OLFM3: variants seen among roughly 807,000 people sequenced by gnomAD.
OLFM3 encodes noelin-3.
In OLFM3, 20 loss-of-function variants were observed where a neutral mutation model predicts 48.6. That is an observed-to-expected ratio of 0.41 (90% CI 0.29 to 0.60). The LOEUF is 0.60. Among genes scored for constraint, OLFM3 ranks in the 20% least tolerant of loss-of-function variants. The probability of loss-of-function intolerance (pLI) is 0.28; values close to 1 mark genes in which losing one functional copy is unlikely to be tolerated. For missense variants in OLFM3, 437 were observed against 544.3 expected (o/e 0.80, Z 1.96); for synonymous variants, 222 against 198.1 (o/e 1.12, Z -1.01).
At chr1:101,836,811 A>T in intron 2 of OLFM3, 68 bp downstream of exon 2, 2 of 1,472,834 alleles carry the variant, frequency 1.4e-6, no homozygotes, top group East Asian at 2.3e-5. Flanking sequence ...TATCGGCTCT[A>T]CCATATTTCC....
At chr1:101,835,960 A>G in intron 2 of OLFM3, among the ~76,000 whole-genome samples, 1 of 152,334 alleles carries the variant, frequency 6.6e-6, no homozygotes, top group East Asian at 1.9e-4. Flanking sequence ...TGTCTCTATT[A>G]AAAAACTTGA....
At chr1:101,904,617 A>G (rs1308794040) in intron 1 of OLFM3, among the ~76,000 whole-genome samples, 1 of 152,080 alleles carries the variant, frequency 6.6e-6, no homozygotes, top group Non-Finnish European at 1.5e-5. Flanking sequence ...GCAATACACA[A>G]AGCTGTGAAC....
intron 1 of OLFM3, among the ~76,000 whole-genome samples, chr1:101,936,685 T>C (rs1659628141): frequency 6.6e-6 from 1 of 152,168 alleles, no homozygotes; most frequent in African/African-American, 2.4e-5. Flanking sequence ...TCTGGAGGCA[T>C]CACGTTACCC....
chr1:101,913,559 T>A (rs1337544207), intron 1 of OLFM3, among the ~76,000 whole-genome samples: 1 of 152,106 alleles, frequency 6.6e-6, no homozygotes, highest in Admixed American at 6.6e-5. Context: ...AGAACTGACA[T>A]CATTTTTATT....
intron 1 of OLFM3, among the ~76,000 whole-genome samples, chr1:101,974,563 T>G (rs1660895925): frequency 6.6e-6 from 1 of 152,138 alleles, no homozygotes; most frequent in Admixed American, 6.6e-5. Context: ...ATAAACTTCC[T>G]CTTATCCAGG....
chr1:101,933,470 G>T (rs1436227164), intron 1 of OLFM3, among the ~76,000 whole-genome samples: 1 of 151,774 alleles, frequency 6.6e-6, no homozygotes, highest in Non-Finnish European at 1.5e-5. Flanking sequence ...ACTATGTAAC[G>T]AGACCAAATC....
chr1:101,819,772 G>C (rs1654521517), intron 4 of OLFM3, among the ~76,000 whole-genome samples: 1 of 152,048 alleles, frequency 6.6e-6, no homozygotes, highest in Admixed American at 6.6e-5. Flanking sequence ...CTCAGTCTTT[G>C]AACTCAGAAG....
intron 1 of OLFM3, among the ~76,000 whole-genome samples, chr1:101,878,430 C>A (rs1429295038): frequency 2.6e-5 from 4 of 151,828 alleles, no homozygotes; most frequent in Non-Finnish European, 4.4e-5. Flanking sequence ...TGTTGGGTCA[C>A]CCATTAAACT....
chr1:101,872,235 G>T (rs905773429), intron 1 of OLFM3, among the ~76,000 whole-genome samples: 6 of 152,026 alleles, frequency 3.9e-5, no homozygotes, highest in Non-Finnish European at 8.8e-5. Context: ...AGTTAGCAAA[G>T]GTGTTTATCA....
intron 1 of OLFM3, among the ~76,000 whole-genome samples, chr1:101,983,252 C>T (rs1661149252): frequency 2.0e-5 from 3 of 152,198 alleles, no homozygotes; most frequent in South Asian, 4.1e-4. Context: ...TCTTTGACTT[C>T]ATACATGCTG....
At chr1:101,814,174 C>T (rs377649037) in intron 4 of OLFM3, among the ~76,000 whole-genome samples, 31 of 151,762 alleles carry the variant, frequency 2.0e-4, no homozygotes, top group East Asian at 7.8e-4. Flanking sequence ...TCAGTCTTAC[C>T]GTAGAAAGCA....
At chr1:101,869,154 C>A (rs976490631) in intron 1 of OLFM3, among the ~76,000 whole-genome samples, 3 of 152,154 alleles carry the variant, frequency 2.0e-5, no homozygotes, top group African/African-American at 7.2e-5. Flanking sequence ...CCTCCAGACC[C>A]CAGAATGGTA....
chr1:101,896,683 T>G (rs2101013032), intron 1 of OLFM3, among the ~76,000 whole-genome samples: 1 of 147,500 alleles, frequency 6.8e-6, no homozygotes, highest in East Asian at 2.0e-4. Context: ...TTTTTTTTTT[T>G]TTTTTTTTTT....
chr1:101,949,204 TTA>T (rs1660046806), intron 1 of OLFM3, among the ~76,000 whole-genome samples: 1 of 152,170 alleles, frequency 6.6e-6, no homozygotes, highest in African/African-American at 2.4e-5. Context: ...ACACCACTGT[TTA>T]TGTTCCCTCC....
At chr1:101,949,497 C>G (rs1315246523) in intron 1 of OLFM3, among the ~76,000 whole-genome samples, 2 of 152,274 alleles carry the variant, frequency 1.3e-5, no homozygotes, top group South Asian at 2.1e-4. Context: ...ACTTTGACTT[C>G]TATTCCATCT....
chr1:101,808,725 A>G (rs1653902921), intron 4 of OLFM3, among the ~76,000 whole-genome samples: 1 of 151,850 alleles, frequency 6.6e-6, no homozygotes, highest in Non-Finnish European at 1.5e-5. Flanking sequence ...AAGAACTGCC[A>G]AGCCCTATCT....
At chr1:101,847,119 A>C in intron 1 of OLFM3, 2 of 1,292,160 alleles carry the variant, frequency 1.5e-6, no homozygotes, top group South Asian at 4.9e-5. Context: ...AAGCTTCGGA[A>C]CCTCCTTCCC....
At chr1:101,950,117 C>T (rs557242418) in intron 1 of OLFM3, among the ~76,000 whole-genome samples, 7 of 152,030 alleles carry the variant, frequency 4.6e-5, no homozygotes, top group African/African-American at 1.7e-4. Flanking sequence ...ATATTTAAGG[C>T]CATTTGGGAT....
chr1:101,996,520 T>C (rs1377384844), intron 1 of OLFM3, among the ~76,000 whole-genome samples: 1 of 152,094 alleles, frequency 6.6e-6, no homozygotes. Flanking sequence ...CCATGCACAT[T>C]ATATTTTCTC....
Sources: allele counts gnomAD v4.1 joint callset (sites outside exome capture counted in the v4.1 genomes callset), GRCh38; gene constraint gnomAD v4.1.1; transcripts MANE v1.5; gene names NCBI Gene and HGNC (gene_info 2026-07-23, HGNC 2026-07-21).